The following SLC16A2 variants were observed in gnomAD, a reference collection of about 807,000 sequenced individuals.
SLC16A2 encodes the protein solute carrier family 16 member 2, also known as monocarboxylate transporter 8.
Under a neutral mutation model 27.2 loss-of-function variants are expected in SLC16A2, and 3 were observed. The ratio of observed to expected loss-of-function variants is 0.11; its 90% CI spans 0.05 to 0.28. The LOEUF is 0.28. SLC16A2 is among the 10% of genes least tolerant of loss of function. SLC16A2 has a pLI of 1.00. For synonymous variants in SLC16A2, 202 were observed against 187.8 expected (o/e 1.08, Z -0.62); for missense variants, 295 against 458.5 (o/e 0.64, Z 3.26).
At chrX:74,477,764 G>T (rs1929515492) in intron 1 of SLC16A2, among the ~76,000 whole-genome samples, 1 of 112,130 alleles carries the variant, frequency 8.9e-6, no homozygotes, top group Non-Finnish European at 1.9e-5. Context: ...GGAGCAGGTT[G>T]TTCAGTTTCC....
At chrX:74,439,745 C>T (rs973000218) in intron 1 of SLC16A2, among the ~76,000 whole-genome samples, 1 of 108,717 alleles carries the variant, frequency 9.2e-6, no homozygotes, top group Admixed American at 1.0e-4. Context: ...TCAAAGAGGT[C>T]CTGGGGTCAT....
Position 74,421,525 on chromosome X carries a change from G to T in SLC16A2, c.-113G>T. 1 of 985,174 alleles carries T rather than the reference G, an allele frequency of 1.0e-6. No homozygotes were observed. Among genetic ancestry groups the T allele is most frequent in the Admixed American group, 2.5e-5 (1 of 39,394 alleles). 81.2% of individuals were successfully genotyped at this position (985,174 alleles called of 1,213,427 possible). ...TGGGGCGCGGAGCCTGGAGGAGGAGGCAGCGGCAGCGGCAGCAGCAGCCCT... is the reference window on the plus strand; with the variant it reads ...TGGGGCGCGGAGCCTGGAGGAGGAGTCAGCGGCAGCGGCAGCAGCAGCCCT... On this transcript the variant is annotated 5_prime_UTR_variant, in exon 1 of 6. Transcript: ENST00000587091.
Position 74,524,682 on chromosome X carries a change from A to G in SLC16A2, c.899A>G (p.His300Arg), listed in dbSNP as rs1408157354. 12 of 1,211,802 alleles carry G rather than the reference A, an allele frequency of 9.9e-6. No homozygotes were observed. The highest frequency in any genetic ancestry group is 1.3e-5 in the Non-Finnish European group (12 of 895,526). ...TPSKRGVRTL[H>R]QRFLAQLRKY... ...AGCAAGAGAGGTGTCCGCACCCTGC[A>G]CCAGCGCTTTCTGGCTCAGCTCAGG... Residue 300 changes from histidine to arginine, a missense_variant, in exon 3 of 6, where the codon CAC becomes CGC. His to Arg is a conservative substitution (Grantham distance 29, BLOSUM62 0). Coordinates refer to ENST00000587091, the MANE Select transcript of SLC16A2 (RefSeq NM_006517.5).
chrX:74,445,087 T>C (rs1928814825), intron 1 of SLC16A2, among the ~76,000 whole-genome samples: 1 of 112,148 alleles, frequency 8.9e-6, no homozygotes, highest in South Asian at 3.7e-4. Context: ...GATATTATTA[T>C]TAGCCCATTA....
chrX:74,462,293 A>G (rs1482835269), intron 1 of SLC16A2, among the ~76,000 whole-genome samples: 3 of 111,205 alleles, frequency 2.7e-5, no homozygotes, highest in Non-Finnish European at 5.7e-5. Flanking sequence ...CTAGTGTTTC[A>G]CCCAGAGTTT....
intron 5 of SLC16A2, among the ~76,000 whole-genome samples, chrX:74,530,838 A>G (rs1455991197): frequency 1.8e-5 from 2 of 112,086 alleles, no homozygotes; most frequent in African/African-American, 6.5e-5. Flanking sequence ...AGAGGGGACA[A>G]CCATATATGT....
intron 1 of SLC16A2, among the ~76,000 whole-genome samples, chrX:74,462,137 G>A (rs1929160350): frequency 8.9e-6 from 1 of 112,102 alleles, no homozygotes. Flanking sequence ...ATGCCCCTCG[G>A]AGTTTGGGTA....
In SLC16A2 at chrX:74,421,566, T is replaced by G. The variant is rs1296904440; in HGVS notation, c.-72T>G. ...CAGCAGCCCTCCGAGCAGCAGCAGC[T>G]GCAGCAGCAGAAACAAGTACCAGCC... On this transcript the variant is annotated 5_prime_UTR_variant, in exon 1 of 6. Coordinates refer to ENST00000587091, the MANE Select transcript of SLC16A2 (RefSeq NM_006517.5). The G allele has an allele frequency of 1.7e-6, 2 of 1,153,945 alleles. No homozygotes were observed. Among genetic ancestry groups the G allele is most frequent in the African/African-American group, 3.5e-5 (2 of 56,709 alleles).
intron 1 of SLC16A2, among the ~76,000 whole-genome samples, chrX:74,424,814 C>T (rs1928375440): frequency 9.0e-6 from 1 of 111,566 alleles, no homozygotes. Flanking sequence ...GAAGGTCCTG[C>T]AGATGATTGG....
intron 1 of SLC16A2, among the ~76,000 whole-genome samples, chrX:74,485,170 C>T (rs993942743): frequency 2.9e-5 from 3 of 103,048 alleles, no homozygotes; most frequent in Admixed American, 1.1e-4. Flanking sequence ...GAGTTGAGAT[C>T]GCACCATTGC....
intron 1 of SLC16A2, among the ~76,000 whole-genome samples, chrX:74,516,816 GAC>G (rs1291943735): frequency 9.0e-6 from 1 of 111,510 alleles, no homozygotes; most frequent in Non-Finnish European, 1.9e-5. Context: ...TCAGTTCAAA[GAC>G]AGAGATTGGC....
chrX:74,435,554 T>TATA lies in SLC16A2; in HGVS notation c.430+13487_430+13488insATA, dbSNP rs1491092189. On this transcript the variant is annotated intron_variant, in intron 1 of 5. Coordinates refer to ENST00000587091, the MANE Select transcript of SLC16A2 (RefSeq NM_006517.5). The stretch of plus-strand genomic sequence containing the variant: ...ATATATATGTATATATATATATATA[T>TATA]TTTTTTTTTTTTTAGTGGATCTGGG... Among the ~76,000 whole-genome samples the TATA allele has an allele frequency of 1.8e-3, 139 of 76,204 alleles. 1 individual carries two copies. Among genetic ancestry groups the TATA allele is most frequent in the African/African-American group, 8.3e-3 (133 of 16,060 alleles). 66.2% of individuals were successfully genotyped at this position (76,204 alleles called of 115,157 possible). A position where few individuals can be genotyped will look rare whatever the true frequency, so the allele number is the denominator to read the frequency against.
In SLC16A2 at chrX:74,473,743, C is replaced by T. The variant is rs1035513690; in HGVS notation, c.431-47247C>T. On this transcript the variant is annotated intron_variant, in intron 1 of 5. Transcript: ENST00000587091. ...GTGGCCTTGCATTCATGGCTGCATC[C>T]ATCTCCCCCACGGTGTCATATGTGA... The T allele has an allele frequency of 4.2e-5, 36 of 856,706 alleles. No individual in the cohort carries two copies. In the African/African-American group the frequency reaches 6.5e-4, roughly 15 times the overall value. 70.6% of individuals were successfully genotyped at this position (856,706 alleles called of 1,213,427 possible).
chrX:74,438,137 G>A (rs745875812), intron 1 of SLC16A2, among the ~76,000 whole-genome samples: 1 of 112,546 alleles, frequency 8.9e-6, no homozygotes, highest in Non-Finnish European at 1.9e-5. Context: ...ATGCTTTGTA[G>A]TATAGGGTAA....
intron 1 of SLC16A2, among the ~76,000 whole-genome samples, chrX:74,439,192 T>TTCTTTCTTTCTTTC (rs1928684830): frequency 9.8e-6 from 1 of 101,576 alleles, no homozygotes; most frequent in Non-Finnish European, 2.0e-5. Context: ...TTCTTTTTCT[T>TTCTTTCTTTCTTTC]TCTTTCTTTC....
chrX:74,463,018 G>A (rs763789685), intron 1 of SLC16A2, among the ~76,000 whole-genome samples: 3 of 111,506 alleles, frequency 2.7e-5, no homozygotes, highest in Non-Finnish European at 3.8e-5. Flanking sequence ...GAGGGACCTG[G>A]ACTCTATCTT....
chrX:74,505,694 A>G (rs746296093), intron 1 of SLC16A2, among the ~76,000 whole-genome samples: 11 of 112,051 alleles, frequency 9.8e-5, no homozygotes, highest in African/African-American at 3.6e-4. Flanking sequence ...TGGATTGATT[A>G]CCTTGTCATC....
chrX:74,531,445 G>C lies in SLC16A2; in HGVS notation c.1512G>C (p.Met504Ile), dbSNP rs1289700497. ...TCGTCCCTCTGATGCATCAAAGGAT[G>C]TTCAAGAAAGAGCAGAGAGATTCCA... Reference protein sequence around the residue: ...LFFVPLMHQRMFKKEQRDSSK... With the variant: ...LFFVPLMHQRIFKKEQRDSSK... Residue 504 changes from methionine (M) to isoleucine (I), a missense_variant, in exon 6 of 6, where the codon ATG (methionine) becomes ATC (isoleucine). By Grantham distance (10) the Met-to-Ile change is conservative. This residue lies in a region of SLC16A2 where 144 missense variants were observed against 219.8 expected (regional missense o/e 0.66). Coordinates refer to ENST00000587091, the MANE Select transcript of SLC16A2 (RefSeq NM_006517.5). The C allele has an allele frequency of 1.7e-6, 2 of 1,210,816 alleles. No individual in the cohort carries two copies. Among genetic ancestry groups the C allele is most frequent in the Non-Finnish European group, 2.2e-6 (2 of 894,527 alleles).
At chrX:74,516,817 A>T (rs1224064727) in intron 1 of SLC16A2, among the ~76,000 whole-genome samples, 15 of 111,902 alleles carry the variant, frequency 1.3e-4, no homozygotes, top group African/African-American at 4.9e-4. Context: ...CAGTTCAAAG[A>T]CAGAGATTGG....
Sources: gnomAD v4.1 joint callset for allele counts (sites outside exome capture counted in the v4.1 genomes callset) on GRCh38, gnomAD v4.1.1 for gene constraint, gnomAD v4.1.1 regional missense constraint, MANE v1.5 for transcripts, NCBI Gene and HGNC (gene_info 2026-07-23, HGNC 2026-07-21) for gene names.